Variants in LDHAL6A observed in about 807,000 individuals in gnomAD.
LDHAL6A encodes L-lactate dehydrogenase A-like 6A.
LDHAL6A carries 19 observed loss-of-function variants against 28.2 expected under a neutral mutation model. That is an observed-to-expected ratio of 0.67 (90% CI 0.47 to 0.99). The LOEUF is 0.99. Ranked by LOEUF, LDHAL6A falls within the 50% of genes least tolerant of loss-of-function variation. LDHAL6A has a pLI of 0.00. For synonymous variants in LDHAL6A, 144 were observed against 134.4 expected (o/e 1.07, Z -0.49); for missense variants, 372 against 398.6 (o/e 0.93, Z 0.57).
intron 3 of LDHAL6A, chr11:18,469,198 A>G: frequency 3.1e-6 from 2 of 641,586 alleles, no homozygotes; most frequent in Non-Finnish European, 5.5e-6. Flanking sequence ...TAATTTCTCT[A>G]ACCGTTCAGG....
intron 3 of LDHAL6A, chr11:18,469,293 G>A (rs1029474089): frequency 3.9e-6 from 2 of 509,120 alleles, no homozygotes; most frequent in Non-Finnish European, 6.9e-6. Flanking sequence ...GCACTAAAAC[G>A]CCTCTACCCT....
At chr11:18,476,306 A>G (rs1849380567) in intron 4 of LDHAL6A, 78 bp from the exon 5 acceptor site, 1 of 1,505,540 alleles carries the variant, frequency 6.6e-7, no homozygotes, top group African/African-American at 1.4e-5. Context: ...GGGCAATTAT[A>G]ACAGTTTTGC....
At chr11:18,464,766 G>A (rs111311813) in intron 2 of LDHAL6A, among the ~76,000 whole-genome samples, 5,635 of 150,840 alleles carry the variant, frequency 0.037, 350 homozygotes, top group African/African-American at 0.13. Context: ...AGTTCTGTTT[G>A]ATTCCAAAGC....
chr11:18,456,702 C>T lies in LDHAL6A; in HGVS notation c.22C>T (p.Leu8Phe), dbSNP rs1326866516. MATIKSE[L>F]IKNFAEEEAI... ...CAAGATGGCAACTATCAAGAGTGAA[C>T]TTATTAAGAATTTCGCGGAAGAGGA... is the stretch of plus-strand genomic sequence containing the variant. The change falls in exon 1 of 7, where the codon CTT (leucine) becomes TTT (phenylalanine). Residue 8 changes from leucine to phenylalanine, a missense_variant. By Grantham distance (22) the Leu-to-Phe change is conservative. This residue lies in a region of LDHAL6A where 77 missense variants were observed against 77.9 expected (regional missense o/e 0.99). Transcript: ENST00000280706. 3 of 1,613,924 alleles carry T rather than the reference C, an allele frequency of 1.9e-6. No homozygotes were observed. The East Asian group carries it at 6.7e-5, about 36-fold the overall frequency.
Position 18,467,505 on chromosome 11 carries a change from T to C in LDHAL6A, c.418+1695T>C, listed in dbSNP as rs1455195633. 5.3e-5 allele frequency among the ~76,000 whole-genome samples: 8 copies of C among 152,118 alleles called. No homozygotes were observed. In the East Asian group the frequency reaches 1.5e-3, roughly 29 times the overall value. On this transcript the variant is annotated intron_variant, in intron 3 of 6. Transcript: ENST00000280706. ...TAGTAGTATTTATAAATATGTTGAT[T>C]ACTGTAGCTTTGTGGTAAGTTTTGA...
chr11:18,458,729 A>G (rs1848821143), intron 1 of LDHAL6A, among the ~76,000 whole-genome samples: 1 of 152,220 alleles, frequency 6.6e-6, no homozygotes. Flanking sequence ...GTCTTTAAAA[A>G]TTACTGAGTT....
At chr11:18,472,480 T>A (rs1849277346) in intron 3 of LDHAL6A, among the ~76,000 whole-genome samples, 1 of 152,228 alleles carries the variant, frequency 6.6e-6, no homozygotes, top group Non-Finnish European at 1.5e-5. Flanking sequence ...GATGTCATCT[T>A]CATATCTTTT....
intron 4 of LDHAL6A, among the ~76,000 whole-genome samples, 165 bp from the exon 5 acceptor site, chr11:18,476,219 C>G (rs898395632): frequency 2.6e-5 from 4 of 152,130 alleles, no homozygotes; most frequent in Non-Finnish European, 5.9e-5. Context: ...TTGTGGATCC[C>G]CATCTGTGGA....
chr11:18,455,978 G>C lies in LDHAL6A; in HGVS notation c.-703G>C, dbSNP rs941099472. On this transcript the variant is annotated 5_prime_UTR_variant, in exon 1 of 7. Coordinates refer to ENST00000280706, the MANE Select transcript of LDHAL6A (RefSeq NM_144972.5). The stretch of plus-strand genomic sequence containing the variant: ...GCTGGGTGCGGTCCGCGCAGCTGCA[G>C]TAAGGGGGCGACCCGGCGTCTGTTA... 3 of 152,412 alleles carry C rather than the reference G, an allele frequency of 2.0e-5. No homozygotes were observed. Among genetic ancestry groups the C allele is most frequent in the African/African-American group, 7.2e-5 (3 of 41,404 alleles). 9.4% of individuals were successfully genotyped at this position (152,412 alleles called of 1,614,324 possible).
In LDHAL6A at chr11:18,476,370, T is replaced by G. The variant is rs956721994; in HGVS notation, c.593-14T>G. 6.2e-7 allele frequency: 1 copy of G among 1,607,304 alleles called. No individual in the cohort carries two copies. The highest frequency in any genetic ancestry group is 1.3e-5 in the African/African-American group (1 of 74,640). ...ACCATGTAAGAAGTGGGATTTTGGG[T>G]GTCTCTTTCTTAGTTCCTGTGTGGA... On this transcript the variant is annotated splice_polypyrimidine_tract_variant and intron_variant, in intron 4 of 6. Transcript: ENST00000280706.
intron 3 of LDHAL6A, among the ~76,000 whole-genome samples, chr11:18,468,076 TA>T (rs1189220028): frequency 7.5e-5 from 10 of 133,086 alleles, no homozygotes; most frequent in East Asian, 2.2e-4. Flanking sequence ...TATATATATA[TA>T]TTTTGCTTGT....
intron 1 of LDHAL6A, among the ~76,000 whole-genome samples, chr11:18,457,113 GAAA>G (rs1232954091): frequency 6.6e-6 from 1 of 152,198 alleles, no homozygotes; most frequent in Non-Finnish European, 1.5e-5. Context: ...AAACTGGAGA[GAAA>G]TAGGTGGCAG....
At position 18,456,775 on chromosome 11, in the gene LDHAL6A, G is replaced by A. The variant is rs754574549; in HGVS notation, c.95G>A (p.Gly32Asp). ...TCCATTGTAGGAACTGGATCGGTTG[G>A]TGTGGCTTGTGCTATCAGCATCTTA... ...KISIVGTGSVGVACAISILLK... is the reference protein window; with the variant it reads ...KISIVGTGSVDVACAISILLK... Residue 32 changes from glycine to aspartate, a missense_variant, in exon 1 of 7, where the codon GGT becomes GAT. Coordinates refer to ENST00000280706, the MANE Select transcript of LDHAL6A (RefSeq NM_144972.5). The A allele has an allele frequency of 3.1e-6, 5 of 1,613,904 alleles. 1 individual carries two copies. Among genetic ancestry groups the A allele is most frequent in the Middle Eastern group, 1.6e-4 (1 of 6,062 alleles).
Position 18,464,073 on chromosome 11 carries a change from G to T in LDHAL6A, c.239G>T (p.Ser80Ile). 6.3e-7 allele frequency: 1 copy of T among 1,585,710 alleles called. No homozygotes were observed. Among genetic ancestry groups the T allele is most frequent in the Non-Finnish European group, 8.7e-7 (1 of 1,154,218 alleles). Reference protein sequence around the residue: ...PFMKMPNIVSSKDYLVTANSN... With the variant: ...PFMKMPNIVSIKDYLVTANSN... ...ATGAAAATGCCAAATATTGTCTCCA[G>T]CAAAGGTTAATGTCATAGTTAAATA... Residue 80 changes from serine (S) to isoleucine (I), a missense_variant, in exon 2 of 7, where the codon AGC becomes ATC. Physicochemically the swap from Ser to Ile is moderately radical, Grantham distance 142 (BLOSUM62 -2). Around this residue, in one of 3 missense-constraint regions of LDHAL6A, gnomAD observed 291 missense variants for 302.9 expected, o/e 0.96. Transcript: ENST00000280706.
At chr11:18,473,389 G>A (rs4757667) in intron 3 of LDHAL6A, among the ~76,000 whole-genome samples, 13 of 144,372 alleles carry the variant, frequency 9.0e-5, no homozygotes, top group African/African-American at 2.3e-4. Context: ...AGGTAGGTAG[G>A]TAGACAGACA....
chr11:18,475,743 C>A, intron 4 of LDHAL6A, 104 bp downstream of exon 4: 1 of 908,098 alleles, frequency 1.1e-6, no homozygotes, highest in East Asian at 2.8e-5. Context: ...GACTTTATTC[C>A]ACTTTAGGCC....
intron 1 of LDHAL6A, among the ~76,000 whole-genome samples, chr11:18,460,138 A>G (rs1848860809): frequency 6.6e-6 from 1 of 152,194 alleles, no homozygotes; most frequent in Non-Finnish European, 1.5e-5. Context: ...CGAATAGAGT[A>G]AAAAGATCCA....
At chr11:18,467,080 A>G (rs1849092178) in intron 3 of LDHAL6A, among the ~76,000 whole-genome samples, 1 of 152,208 alleles carries the variant, frequency 6.6e-6, no homozygotes, top group African/African-American at 2.4e-5. Flanking sequence ...AATGATACTC[A>G]AGAGGAAATG....
At chr11:18,476,705 T>C in intron 5 of LDHAL6A, 2 of 751,018 alleles carry the variant, frequency 2.7e-6, no homozygotes, top group Non-Finnish European at 3.2e-6. Context: ...TTCCTGAGCC[T>C]AACCCAGTAT....
Sources: allele counts gnomAD v4.1 joint callset (sites outside exome capture counted in the v4.1 genomes callset), GRCh38; gene constraint gnomAD v4.1.1; regional missense constraint gnomAD v4.1.1; transcripts MANE v1.5; gene names NCBI Gene and HGNC (gene_info 2026-07-23, HGNC 2026-07-21).